The following LDHAL6A variants were observed in gnomAD, a reference collection of about 807,000 sequenced individuals.
LDHAL6A encodes the protein lactate dehydrogenase A like 6A.
Under a neutral mutation model 28.2 loss-of-function variants are expected in LDHAL6A, and 19 were observed. The observed-to-expected ratio is 0.67, with a 90% CI of 0.47 to 0.99. The LOEUF (loss-of-function observed/expected upper bound fraction) is 0.99. Ranked by LOEUF, LDHAL6A falls within the 50% of genes least tolerant of loss-of-function variation. The probability of loss-of-function intolerance (pLI) is 0.00; values close to 1 mark genes in which losing one functional copy is unlikely to be tolerated. For missense variants in LDHAL6A, 372 were observed against 398.6 expected (o/e 0.93, Z 0.57); for synonymous variants, 144 against 134.4 (o/e 1.07, Z -0.49).
Position 18,465,700 on chromosome 11 carries a change from G to T in LDHAL6A, c.308G>T (p.Gly103Val), listed in dbSNP as rs781750663. ...IITAGARQKK[G>V]ETRLDLVQRN... is the part of the protein sequence containing the mutation. The stretch of plus-strand genomic sequence containing the variant: ...ACAGCAGGTGCACGCCAGAAAAAAG[G>T]AGAAACACGCCTTGATTTAGTCCAG... The change falls in exon 3 of 7, where the codon GGA (glycine) becomes GTA (valine). Residue 103 changes from glycine to valine, a missense_variant. Transcript: ENST00000280706. The T allele has an allele frequency of 1.2e-6, 2 of 1,613,882 alleles. No homozygotes were observed. Among genetic ancestry groups the T allele is most frequent in the Non-Finnish European group, 1.7e-6 (2 of 1,179,914 alleles).
chr11:18,477,649 A>G lies in LDHAL6A; in HGVS notation c.740A>G (p.Tyr247Cys), dbSNP rs1158113991. 1 of 1,612,476 alleles carries G rather than the reference A, an allele frequency of 6.2e-7. No individual in the cohort carries two copies. The highest frequency in any genetic ancestry group is 8.5e-7 in the Non-Finnish European group (1 of 1,179,596). Reference sequence around the variant, plus strand: ...TATGAGATGGTCAAAATGAAAGGTTATACTTCTTGGGGCATTAGCCTATCT... The same window carrying G: ...TATGAGATGGTCAAAATGAAAGGTTGTACTTCTTGGGGCATTAGCCTATCT... ...SGYEMVKMKG[Y>C]TSWGISLSVA... The change falls in exon 6 of 7, where the codon TAT (tyrosine) becomes TGT (cysteine). Residue 247 changes from tyrosine (Y) to cysteine (C), a missense_variant. Tyr to Cys is a radical substitution (Grantham distance 194). Coordinates refer to ENST00000280706, the MANE Select transcript of LDHAL6A (RefSeq NM_144972.5).
intron 2 of LDHAL6A, 139 bp from the exon 3 acceptor site, chr11:18,465,498 A>G: frequency 4.2e-6 from 2 of 480,478 alleles, no homozygotes; most frequent in East Asian, 3.5e-5. Context: ...GAAATTAAAA[A>G]GTAGTCTAGG....
At chr11:18,457,819 C>G (rs1848796848) in intron 1 of LDHAL6A, among the ~76,000 whole-genome samples, 1 of 152,088 alleles carries the variant, frequency 6.6e-6, no homozygotes, top group South Asian at 2.1e-4. Context: ...AGATGTGAGC[C>G]ACCTTGCTTT....
intron 1 of LDHAL6A, among the ~76,000 whole-genome samples, chr11:18,462,651 C>CAAAA (rs1306112384): frequency 5.5e-5 from 3 of 54,404 alleles, no homozygotes; most frequent in East Asian, 3.0e-4. Flanking sequence ...AACAAACAAA[C>CAAAA]AAACAAAAAA....
chr11:18,475,809 TAC>T (rs1849363084), intron 4 of LDHAL6A, 170 bp downstream of exon 4: 1 of 522,836 alleles, frequency 1.9e-6, no homozygotes, highest in Non-Finnish European at 3.3e-6. Flanking sequence ...CAACAAAAAA[TAC>T]AGATTTGAAA....
rs200799380 is a variant in LDHAL6A at position 18,464,144 on chromosome 11, CTTTA to C, written c.244+70_244+73del. The C allele has an allele frequency of 7.2e-4, 828 of 1,146,388 alleles. 5 individuals carry two copies. The African/African-American group carries it at 0.012, about 16-fold the overall frequency. The allele number at this position is 1,146,388 out of a possible 1,614,324, so 71.0% of individuals were successfully genotyped here. A position where few individuals can be genotyped will look rare whatever the true frequency, so the allele number is the denominator to read the frequency against. On this transcript the variant is annotated intron_variant, in intron 2 of 6. Coordinates refer to ENST00000280706, the MANE Select transcript of LDHAL6A (RefSeq NM_144972.5). Reference sequence around the variant, plus strand: ...ATGAACAAGTATCTAAGAAAATCATCTTTATTTCTTTTGACCTCCCCAGTTTTTA... The same window carrying C: ...ATGAACAAGTATCTAAGAAAATCATCTTTCTTTTGACCTCCCCAGTTTTTA...
rs1849477908 is a variant in LDHAL6A, at chr11:18,479,275, G to A, written c.*405G>A. ...ATTACAGGGGTGAGCCACTGTGCCT[G>A]GCCTTAGCTTTGATTTAGTATCCAG... On this transcript the variant is annotated 3_prime_UTR_variant, in exon 7 of 7. Transcript: ENST00000280706. 1 of 152,228 alleles carries A rather than the reference G, an allele frequency of 6.6e-6. No individual in the cohort carries two copies. The highest frequency in any genetic ancestry group is 2.1e-4 in the South Asian group (1 of 4,840). 9.4% of individuals were successfully genotyped at this position (152,228 alleles called of 1,614,324 possible). A position where few individuals can be genotyped will look rare whatever the true frequency, so the allele number is the denominator to read the frequency against.
In LDHAL6A at chr11:18,467,926, CATATATATAT is replaced by C. The variant is rs1292809923; in HGVS notation, c.418+2118_418+2127del. Among the ~76,000 whole-genome samples, 312 of 55,322 alleles carry C rather than the reference CATATATATAT, an allele frequency of 5.6e-3. 7 individuals are homozygous for C. The highest frequency in any genetic ancestry group is 0.014 in the East Asian group (18 of 1,332). 36.3% of individuals were successfully genotyped at this position (55,322 alleles called of 152,430 possible). A position where few individuals can be genotyped will look rare whatever the true frequency, so the allele number is the denominator to read the frequency against. On this transcript the variant is annotated intron_variant, in intron 3 of 6. Coordinates refer to ENST00000280706, the MANE Select transcript of LDHAL6A (RefSeq NM_144972.5). ...ATATATATATATATATATACACACA[CATATATATAT>C]ACACACACATATATATATACGTATA...
At chr11:18,467,986 T>C (rs1565071477) in intron 3 of LDHAL6A, among the ~76,000 whole-genome samples, 3 of 45,198 alleles carry the variant, frequency 6.6e-5, no homozygotes, top group African/African-American at 1.2e-4. Flanking sequence ...TATACGTATA[T>C]ATATGCATAT....
At chr11:18,464,987 G>GTTTTTTTTTTTTTTTTTTTTTTT (rs1449560278) in intron 2 of LDHAL6A, among the ~76,000 whole-genome samples, 2 of 104,352 alleles carry the variant, frequency 1.9e-5, no homozygotes, top group Non-Finnish European at 2.0e-5. Flanking sequence ...GTTTTTTTTT[G>GTTTTTTTTTTTTTTTTTTTTTTT]TTTTGTTTTG....
chr11:18,476,720 C>CCCCT, intron 5 of LDHAL6A: 2 of 562,710 alleles, frequency 3.6e-6, no homozygotes, highest in Non-Finnish European at 4.5e-6. Flanking sequence ...CAGTATTGAG[C>CCCCT]ACATGGTAGG....
chr11:18,462,365 C>T (rs1036714268), intron 1 of LDHAL6A, among the ~76,000 whole-genome samples: 5 of 151,618 alleles, frequency 3.3e-5, no homozygotes, highest in East Asian at 1.9e-4. Flanking sequence ...TGGCCGGGTG[C>T]GGTGTCTCAT....
intron 1 of LDHAL6A, among the ~76,000 whole-genome samples, chr11:18,463,612 G>C (rs1487252410): frequency 2.0e-5 from 3 of 152,182 alleles, no homozygotes; most frequent in Non-Finnish European, 4.4e-5. Context: ...GTCTCAAGAA[G>C]CTCAAGGTCT....
At chr11:18,469,655 A>G (rs1849210234) in intron 3 of LDHAL6A, among the ~76,000 whole-genome samples, 1 of 152,216 alleles carries the variant, frequency 6.6e-6, no homozygotes, top group Admixed American at 6.5e-5. Context: ...TATAGTACAC[A>G]CTATCAAATA....
chr11:18,465,041 G>A (rs1849028771), intron 2 of LDHAL6A, among the ~76,000 whole-genome samples: 1 of 145,556 alleles, frequency 6.9e-6, no homozygotes, highest in South Asian at 2.2e-4. Flanking sequence ...GTTGGTGCAG[G>A]CTGGACTTGG....
At position 18,478,702 on chromosome 11, in the gene LDHAL6A, T is replaced by C. The variant is rs201292298; in HGVS notation, c.835-4T>C. On this transcript the variant is annotated splice_polypyrimidine_tract_variant and splice_region_variant and intron_variant, in intron 6 of 6. Transcript: ENST00000280706. Reference sequence around the variant, plus strand: ...AGGAATAATTTTTAAGTCTTTACTTTCAGGGCCTCTATGGAATAAATGAAG... The same window carrying C: ...AGGAATAATTTTTAAGTCTTTACTTCCAGGGCCTCTATGGAATAAATGAAG... The C allele has an allele frequency of 1.3e-5, 21 of 1,600,534 alleles. No homozygotes were observed.
chr11:18,464,550 A>ATGT (rs781718232), intron 2 of LDHAL6A, among the ~76,000 whole-genome samples: 3 of 152,126 alleles, frequency 2.0e-5, no homozygotes, highest in Non-Finnish European at 4.4e-5. Context: ...CCCTGTCTCT[A>ATGT]TTAAAAACAT....
At chr11:18,461,872 A>AC (rs1362618885) in intron 1 of LDHAL6A, among the ~76,000 whole-genome samples, 3 of 151,244 alleles carry the variant, frequency 2.0e-5, no homozygotes, top group Admixed American at 6.6e-5. Context: ...AAAAAAAAAA[A>AC]AAACTAGGCT....
intron 3 of LDHAL6A, among the ~76,000 whole-genome samples, chr11:18,467,993 A>ACG (rs1849147541): frequency 6.6e-5 from 2 of 30,418 alleles, no homozygotes; most frequent in Non-Finnish European, 9.5e-5. Flanking sequence ...ATATATATGC[A>ACG]TATATATACG....
Sources: gnomAD v4.1 joint callset for allele counts (sites outside exome capture counted in the v4.1 genomes callset) on GRCh38, gnomAD v4.1.1 for gene constraint, MANE v1.5 for transcripts, NCBI Gene and HGNC (gene_info 2026-07-23, HGNC 2026-07-21) for gene names.